Variants in SEMA6D observed in about 807,000 individuals in gnomAD.
SEMA6D encodes semaphorin 6D.
SEMA6D carries 35 observed loss-of-function variants against 106.6 expected under a neutral mutation model. The observed-to-expected ratio is 0.33, with a 90% confidence interval of 0.25 to 0.44. SEMA6D has a LOEUF of 0.44. SEMA6D is among the 20% of genes least tolerant of loss of function. The probability of loss-of-function intolerance (pLI) is 1.00; values close to 1 mark genes in which losing one functional copy is unlikely to be tolerated. For synonymous variants in SEMA6D, 499 were observed against 487.7 expected, an observed-to-expected ratio of 1.02 and a Z score of -0.31; for missense variants, 1,185 against 1,345.9, an observed-to-expected ratio of 0.88 and a Z score of 1.87.
intron 3 of SEMA6D, among the ~76,000 whole-genome samples, chr15:47,487,440 A>G (rs1257229032): frequency 1.3e-5 from 2 of 152,224 alleles, no homozygotes; most frequent in East Asian, 3.8e-4. Context: ...GTATAGTTAC[A>G]TCTGTACATA....
At chr15:47,376,093 G>A (rs2039438448) in intron 1 of SEMA6D, among the ~76,000 whole-genome samples, 1 of 152,188 alleles carries the variant, frequency 6.6e-6, no homozygotes, top group South Asian at 2.1e-4. Flanking sequence ...AATAAACTTT[G>A]AAGTCGTATT....
intron 15 of SEMA6D, 30 bp from the exon 16 acceptor site, chr15:47,766,586 C>G (rs762793507): frequency 4.3e-6 from 7 of 1,610,494 alleles, no homozygotes; most frequent in Non-Finnish European, 3.4e-6. Context: ...GGCTGTTAAC[C>G]GAAGACTTCT....
intron 1 of SEMA6D, among the ~76,000 whole-genome samples, chr15:47,384,493 A>G (rs560809534): frequency 1.8e-4 from 27 of 152,302 alleles, no homozygotes; most frequent in African/African-American, 6.0e-4. Flanking sequence ...GCATGCTTGC[A>G]CATGCTGTGA....
chr15:47,631,009 T>C (rs2077284508), intron 4 of SEMA6D, among the ~76,000 whole-genome samples: 2 of 152,014 alleles, frequency 1.3e-5, no homozygotes, highest in African/African-American at 4.8e-5. Flanking sequence ...TAAAATATTT[T>C]ATAGATTTTA....
At chr15:47,761,830 T>C in intron 7 of SEMA6D, 79 bp downstream of exon 7, 1 of 1,235,190 alleles carries the variant, frequency 8.1e-7, no homozygotes, top group East Asian at 2.4e-5. Context: ...AGAGTAAAAG[T>C]TAATAACTTG....
intron 3 of SEMA6D, among the ~76,000 whole-genome samples, chr15:47,551,154 G>A (rs527938244): frequency 1.1e-3 from 172 of 152,256 alleles, no homozygotes; most frequent in Non-Finnish European, 1.9e-3. Context: ...GGGCTCCTGA[G>A]TGACCTATAT....
chr15:47,679,048 A>G (rs147308529), intron 4 of SEMA6D, among the ~76,000 whole-genome samples: 103 of 152,342 alleles, frequency 6.8e-4, no homozygotes, highest in African/African-American at 1.6e-3. Context: ...TAGACTCTTC[A>G]AAATTTGATA....
At chr15:47,686,573 C>T (rs967781531) in intron 4 of SEMA6D, among the ~76,000 whole-genome samples, 1 of 152,182 alleles carries the variant, frequency 6.6e-6, no homozygotes, top group Admixed American at 6.5e-5. Flanking sequence ...TTTACTCTTA[C>T]CAAACTTGGT....
chr15:47,652,049 T>C (rs145886664), intron 4 of SEMA6D, among the ~76,000 whole-genome samples: 18 of 152,340 alleles, frequency 1.2e-4, no homozygotes, highest in African/African-American at 4.3e-4. Flanking sequence ...TTCATAAGCT[T>C]ATTTTCTGAA....
In SEMA6D at chr15:47,601,825, G is replaced by A. The variant is rs114339744; in HGVS notation, c.-55+929G>A. Reference sequence around the variant, plus strand: ...AACTATGGGTCCATCTACTCATAAAGACTAGTATTTTAAAGTTATCTCCTG... The same window carrying A: ...AACTATGGGTCCATCTACTCATAAAAACTAGTATTTTAAAGTTATCTCCTG... On this transcript the variant is annotated intron_variant, in intron 4 of 19. Coordinates refer to the SEMA6D transcript ENST00000558014. Among the ~76,000 whole-genome samples the A allele has an allele frequency of 8.3e-3, 1,258 of 152,266 alleles. 17 individuals carry two copies. Among genetic ancestry groups the A allele is most frequent in the African/African-American group, 0.029 (1,221 of 41,540 alleles).
intron 1 of SEMA6D, among the ~76,000 whole-genome samples, chr15:47,331,693 C>T (rs1169783512): frequency 6.6e-6 from 1 of 152,098 alleles, no homozygotes; most frequent in African/African-American, 2.4e-5. Flanking sequence ...CCTCTTTATA[C>T]TTTTCTACAT....
intron 4 of SEMA6D, chr15:47,606,378 G>T (rs1173957007): frequency 1.3e-5 from 2 of 152,214 alleles, no homozygotes; most frequent in Admixed American, 6.5e-5. Flanking sequence ...TCTCTGTGTG[G>T]TGTTCCAGGG....
chr15:47,553,898 A>C (rs1304991732), intron 3 of SEMA6D, among the ~76,000 whole-genome samples: 2 of 152,228 alleles, frequency 1.3e-5, no homozygotes, highest in African/African-American at 4.8e-5. Context: ...TCCCAAGAGC[A>C]ATGCATTGCA....
At chr15:47,438,057 A>T (rs1000610080) in intron 2 of SEMA6D, among the ~76,000 whole-genome samples, 15 of 152,074 alleles carry the variant, frequency 9.9e-5, no homozygotes, top group African/African-American at 3.4e-4. Context: ...ACATGTTCTA[A>T]AGTGAATTTC....
intron 1 of SEMA6D, among the ~76,000 whole-genome samples, chr15:47,227,938 T>TATATATATTTTATATATATAAGAATC (rs1566938445): frequency 4.9e-5 from 7 of 143,590 alleles, no homozygotes; most frequent in Non-Finnish European, 9.2e-5. Context: ...ATAAGAATCT[T>TATATATATTTTATATATATAAGAATC]ATATATATTT....
chr15:47,273,014 T>G (rs2034627671), intron 1 of SEMA6D: 1 of 152,190 alleles, frequency 6.6e-6, no homozygotes, highest in Admixed American at 6.6e-5. Context: ...ATTTCCTAAG[T>G]TTCCAGAGCC....
chr15:47,619,808 T>A (rs1289726594), intron 4 of SEMA6D, among the ~76,000 whole-genome samples: 1 of 152,230 alleles, frequency 6.6e-6, no homozygotes, highest in Admixed American at 6.5e-5. Context: ...ATGGAATTTT[T>A]GTCCATGTTA....
At chr15:47,758,348 C>A (rs2081879561) in intron 1 of SEMA6D, among the ~76,000 whole-genome samples, 1 of 152,150 alleles carries the variant, frequency 6.6e-6, no homozygotes, top group Non-Finnish European at 1.5e-5. Flanking sequence ...CAGTGACTCT[C>A]ATGATCTCTC....
chr15:47,211,516 A>G (rs569967891), intron 1 of SEMA6D, among the ~76,000 whole-genome samples: 92 of 152,308 alleles, frequency 6.0e-4, no homozygotes, highest in Non-Finnish European at 1.0e-3. Flanking sequence ...CTTTAGATGC[A>G]TGATCCTAAA....
Sources: allele counts gnomAD v4.1 joint callset (sites outside exome capture counted in the v4.1 genomes callset), GRCh38; gene constraint gnomAD v4.1.1; transcripts MANE v1.5; gene names NCBI Gene and HGNC (gene_info 2026-07-23, HGNC 2026-07-21).